Variants in ISY1 observed in about 807,000 individuals in gnomAD.
ISY1 encodes the protein ISY1 spliceosome associated protein.
Under a neutral mutation model 54.4 loss-of-function variants are expected in ISY1, and 12 were observed. The observed-to-expected ratio is 0.22, with a 90% CI of 0.14 to 0.36. ISY1 has a LOEUF of 0.36. Ranked by LOEUF, ISY1 falls within the 10% of genes least tolerant of loss-of-function variation. The pLI is 1.00. For synonymous variants in ISY1, 96 were observed against 117.9 expected (o/e 0.81, Z 1.20); for missense variants, 282 against 342.2 (o/e 0.82, Z 1.39).
rs1387338222 is a variant in ISY1 at position 129,134,897 on chromosome 3, T to C, written c.476A>G (p.Tyr159Cys). 2 of 1,611,696 alleles carry C rather than the reference T, an allele frequency of 1.2e-6. No individual in the cohort carries two copies. Among genetic ancestry groups the C allele is most frequent in the Admixed American group, 3.3e-5 (2 of 59,908 alleles). The change falls in exon 8 of 11, where the codon TAC becomes TGC. Residue 159 changes from tyrosine to cysteine, a missense_variant. By Grantham distance (194) the Tyr-to-Cys change is radical. Transcript: ENST00000393295. The part of the protein sequence containing the change: ...AELMKAIDFE[Y>C]YGYLDEDDGV... ...ATCATCTTCATCTAGGTAACCATAG[T>C]ACTCAAAATCGATTGCCTTCATGAG...
Position 129,158,547 on chromosome 3 carries a change from T to C in ISY1, c.39A>G (p.Ala13=). The change falls in exon 3 of 11, where the codon GCA becomes GCG. Residue 13 remains alanine (A), a synonymous_variant. Coordinates refer to ENST00000393295, the MANE Select transcript of ISY1 (RefSeq NM_020701.4). ...CTTCCAGCTGAGCCTGGCGAAATCTTGCTAAGGCCGTCCTACCAGCGATAT... is the reference window on the plus strand; with the variant it reads ...CTTCCAGCTGAGCCTGGCGAAATCTCGCTAAGGCCGTCCTACCAGCGATAT... ...RNAEKAMTAL[A]RFRQAQLEEG... is the part of the protein sequence containing the mutation. 1 of 1,614,084 alleles carries C rather than the reference T, an allele frequency of 6.2e-7. No homozygotes were observed.
chr3:129,135,207 C>T (rs141195234), intron 7 of ISY1, among the ~76,000 whole-genome samples: 39 of 152,096 alleles, frequency 2.6e-4, no homozygotes, highest in African/African-American at 8.9e-4. Context: ...ATTAGCCGGG[C>T]GTGGTGGTGC....
At chr3:129,135,423 A>G (rs770635027) in intron 7 of ISY1, among the ~76,000 whole-genome samples, 2 of 152,092 alleles carry the variant, frequency 1.3e-5, no homozygotes, top group Non-Finnish European at 2.9e-5. Flanking sequence ...CCTTTTTAAA[A>G]TCAGTACTTG....
intron 5 of ISY1, among the ~76,000 whole-genome samples, chr3:129,153,681 G>T (rs534555121): frequency 6.6e-6 from 1 of 152,150 alleles, no homozygotes; most frequent in Non-Finnish European, 1.5e-5. Context: ...AGCTACTCAG[G>T]AGGCTGAGGC....
intron 5 of ISY1, among the ~76,000 whole-genome samples, chr3:129,146,720 A>G (rs1936773101): frequency 6.6e-6 from 1 of 152,134 alleles, no homozygotes; most frequent in Non-Finnish European, 1.5e-5. Flanking sequence ...AAACGGGGGA[A>G]TTTTATTACA....
intron 8 of ISY1, 141 bp from the exon 9 acceptor site, chr3:129,134,336 G>A (rs1200998886): frequency 2.1e-6 from 3 of 1,460,802 alleles, no homozygotes; most frequent in Non-Finnish European, 2.8e-6. Flanking sequence ...CCCCGTGGGT[G>A]GAAATGGATG....
chr3:129,160,965 C>G lies in ISY1; in HGVS notation c.3+8G>C. 1.9e-6 allele frequency: 3 copies of G among 1,543,148 alleles called. No individual in the cohort carries two copies. The highest frequency in any genetic ancestry group is 2.6e-6 in the Non-Finnish European group (3 of 1,144,278). The stretch of plus-strand genomic sequence containing the variant: ...CCACTCGCTCCCTCACCCGCCCACC[C>G]TACTCACCATGGTGTCGCTAAGGGC... On this transcript the variant is annotated splice_region_variant and intron_variant, in intron 1 of 10. Coordinates refer to ENST00000393295, the MANE Select transcript of ISY1 (RefSeq NM_020701.4).
rs182000284 is a variant in ISY1, at chr3:129,131,972, G to C, written c.664-1336C>G. 2.8e-4 allele frequency among the ~76,000 whole-genome samples: 43 copies of C among 152,220 alleles called. 1 individual carries two copies. In the East Asian group the frequency reaches 8.3e-3, roughly 29 times the overall value. ...AGCCTCCTGAGTAGCTGGGACTATA[G>C]GCATGTCCAACCACACCTAGCTAAT... On this transcript the variant is annotated intron_variant, in intron 9 of 10. Transcript: ENST00000393295.
At chr3:129,141,407 C>T (rs1228919441) in intron 6 of ISY1, among the ~76,000 whole-genome samples, 4 of 151,930 alleles carry the variant, frequency 2.6e-5, no homozygotes, top group Admixed American at 2.0e-4. Context: ...ACACACCTAT[C>T]GTGCCACTGC....
At position 129,156,611 on chromosome 3, in the gene ISY1, T is replaced by C. The variant is rs372296425; in HGVS notation, c.187+22A>G. The C allele has an allele frequency of 9.8e-4, 1,575 of 1,610,368 alleles. 2 individuals are homozygous for C. Among genetic ancestry groups the C allele is most frequent in the Non-Finnish European group, 1.2e-3 (1,455 of 1,178,570 alleles). On this transcript the variant is annotated intron_variant, in intron 5 of 10. Coordinates refer to ENST00000393295, the MANE Select transcript of ISY1 (RefSeq NM_020701.4). Reference sequence around the variant, plus strand: ...ATTGTGGATTTGAGAATCAAGCACTTTAAAGGAACAAGTTTGCTTACCATT... The same window carrying C: ...ATTGTGGATTTGAGAATCAAGCACTCTAAAGGAACAAGTTTGCTTACCATT...
chr3:129,151,143 T>TATATAA (rs1936956036), intron 5 of ISY1, among the ~76,000 whole-genome samples: 1 of 146,890 alleles, frequency 6.8e-6, no homozygotes, highest in South Asian at 2.1e-4. Flanking sequence ...TATATATATA[T>TATATAA]AAATATATAA....
chr3:129,135,731 A>C (rs1174607990), intron 7 of ISY1, among the ~76,000 whole-genome samples: 5 of 151,582 alleles, frequency 3.3e-5, no homozygotes, highest in Non-Finnish European at 7.4e-5. Context: ...GCACCACTGC[A>C]CTGCAGCCTG....
rs771734430 is a variant in ISY1, at chr3:129,130,570, G to A, written c.730C>T (p.Pro244Ser). The change falls in exon 10 of 11, where the codon CCT becomes TCT. Residue 244 changes from proline to serine, a missense_variant. By Grantham distance (74) the Pro-to-Ser change is moderately conservative. Around this residue, in one of 2 missense-constraint regions of ISY1, gnomAD observed 279 missense variants for 323.6 expected, o/e 0.86. Coordinates refer to ENST00000393295, the MANE Select transcript of ISY1 (RefSeq NM_020701.4). Reference protein sequence around the residue: ...DSQQKFIAHVPVPSQQEIEEA... With the variant: ...DSQQKFIAHVSVPSQQEIEEA... ...CCTACCTCTTGCTGCGAGGGAACAG[G>A]GACGTGAGCAATGAACTTCTGCTGG... 1.2e-6 allele frequency: 2 copies of A among 1,614,124 alleles called. No individual in the cohort carries two copies. Among genetic ancestry groups the A allele is most frequent in the South Asian group, 1.1e-5 (1 of 91,080 alleles).
intron 5 of ISY1, among the ~76,000 whole-genome samples, chr3:129,149,186 C>T (rs896884556): frequency 3.8e-4 from 57 of 151,780 alleles, no homozygotes; most frequent in Admixed American, 3.7e-3. Context: ...AATCCCAGCA[C>T]TTTGGGAGGC....
chr3:129,152,434 C>T (rs1269279159), intron 5 of ISY1, among the ~76,000 whole-genome samples: 4 of 151,072 alleles, frequency 2.6e-5, no homozygotes, highest in Non-Finnish European at 4.4e-5. Flanking sequence ...GACGGAGTCT[C>T]GCTCTGTCGC....
intron 6 of ISY1, among the ~76,000 whole-genome samples, chr3:129,141,353 C>A (rs1319926075): frequency 6.6e-6 from 1 of 152,036 alleles, no homozygotes; most frequent in Non-Finnish European, 1.5e-5. Context: ...ATGGCAAAAC[C>A]CTGTCTCTAC....
intron 8 of ISY1, 45 bp from the exon 9 acceptor site, chr3:129,134,240 A>T: frequency 6.2e-7 from 1 of 1,612,838 alleles, no homozygotes; most frequent in Non-Finnish European, 8.5e-7. Flanking sequence ...TCTCTAAATG[A>T]GCTTTCAACA....
At chr3:129,152,343 T>A (rs1051940651) in intron 5 of ISY1, among the ~76,000 whole-genome samples, 1 of 152,224 alleles carries the variant, frequency 6.6e-6, no homozygotes, top group Non-Finnish European at 1.5e-5. Flanking sequence ...CTGAATCTAC[T>A]ATGTTTTTCC....
Position 129,144,144 on chromosome 3 carries a change from A to G in ISY1, c.300+1617T>C, listed in dbSNP as rs1181300505. 9.1e-6 allele frequency: 4 copies of G among 438,374 alleles called. No homozygotes were observed. In the Admixed American group the frequency reaches 9.5e-5, roughly 10 times the overall value. The allele number at this position is 438,374 out of a possible 1,614,324, so 27.2% of individuals were successfully genotyped here. On this transcript the variant is annotated intron_variant, in intron 6 of 10. Transcript: ENST00000393295. ...AGGAAAAATAAAATCTCCACCACAC[A>G]ACTGCTGAAGAGATCAGGCAAGGGC...
Sources: allele counts gnomAD v4.1 joint callset (sites outside exome capture counted in the v4.1 genomes callset), GRCh38; gene constraint gnomAD v4.1.1; regional missense constraint gnomAD v4.1.1; transcripts MANE v1.5; gene names NCBI Gene and HGNC (gene_info 2026-07-23, HGNC 2026-07-21).